The following EFL1 variants were observed in gnomAD, a reference collection of about 807,000 sequenced individuals.
EFL1 encodes the protein elongation factor like GTPase 1.
In EFL1, 76 loss-of-function variants were observed where a neutral mutation model predicts 126.7. The observed-to-expected ratio is 0.60, with a 90% CI of 0.50 to 0.73. EFL1 has a LOEUF of 0.73. Among genes scored for constraint, EFL1 ranks in the 30% least tolerant of loss-of-function variants. EFL1 has a pLI of 0.00. For missense variants in EFL1, 1,128 were observed against 1,343.2 expected, an observed-to-expected ratio of 0.84 and a Z score of 2.50; for synonymous variants, 410 against 448.4, an observed-to-expected ratio of 0.91 and a Z score of 1.08.
intron 16 of EFL1, among the ~76,000 whole-genome samples, chr15:82,162,688 A>G (rs750056046): frequency 6.6e-6 from 1 of 152,230 alleles, no homozygotes; most frequent in Non-Finnish European, 1.5e-5. Context: ...ATGGCTATTT[A>G]CTAGGGCTGG....
At position 82,238,468 on chromosome 15, in the gene EFL1, T is replaced by C. The variant is rs771263792; in HGVS notation, c.570A>G (p.Ala190=). 5.9e-5 allele frequency: 95 copies of C among 1,613,988 alleles called. 1 individual carries two copies. The highest frequency in any genetic ancestry group is 3.8e-5 in the Non-Finnish European group (45 of 1,180,014). The part of the protein sequence containing the change: ...LFTSKVLEER[A]ERETESQVNP... ...TCACTTGGGATTCAGTCTCCCTCTC[T>C]GCTCTTTCTTCTAGGACTTTAGAAG... The change falls in exon 7 of 20, where the codon GCA becomes GCG. Residue 190 remains alanine (A), a synonymous_variant. Coordinates refer to ENST00000268206, the MANE Select transcript of EFL1 (RefSeq NM_024580.6).
intron 7 of EFL1, among the ~76,000 whole-genome samples, chr15:82,236,878 T>C (rs1366709908): frequency 6.6e-6 from 1 of 152,220 alleles, no homozygotes; most frequent in Non-Finnish European, 1.5e-5. Context: ...GAGCAGTGGC[T>C]CATGCCTGTA....
intron 7 of EFL1, among the ~76,000 whole-genome samples, chr15:82,235,052 G>T (rs1179423591): frequency 1.3e-5 from 2 of 152,038 alleles, no homozygotes; most frequent in Non-Finnish European, 2.9e-5. Context: ...AAGAAATAAG[G>T]ATCCTTATAC....
Position 82,241,256 on chromosome 15 carries a change from T to C in EFL1, c.378+14A>G, listed in dbSNP as rs200705379. 1.6e-4 allele frequency: 261 copies of C among 1,613,380 alleles called. No homozygotes were observed. The highest frequency in any genetic ancestry group is 2.1e-4 in the Non-Finnish European group (249 of 1,179,756). On this transcript the variant is annotated intron_variant, in intron 5 of 19. Transcript: ENST00000268206. ...CCTTAACCATTTAAGTATTTTCTCA[T>C]CACAATCCATTACCTGTGGACAGAC... is the stretch of plus-strand genomic sequence containing the variant.
intron 15 of EFL1, among the ~76,000 whole-genome samples, chr15:82,171,252 G>A (rs886745458): frequency 6.6e-5 from 10 of 152,288 alleles, no homozygotes; most frequent in Admixed American, 1.3e-4. Flanking sequence ...TCTGTTAGTC[G>A]TGGATCAGAT....
intron 4 of EFL1, among the ~76,000 whole-genome samples, chr15:82,244,129 C>T (rs1277946271): frequency 6.6e-6 from 1 of 152,076 alleles, no homozygotes; most frequent in African/African-American, 2.4e-5. Context: ...CCTTCAATGC[C>T]TTTTTCATCT....
At chr15:82,140,592 CT>C (rs1450197229) in intron 18 of EFL1, among the ~76,000 whole-genome samples, 1 of 152,158 alleles carries the variant, frequency 6.6e-6, no homozygotes, top group African/African-American at 2.4e-5. Flanking sequence ...TAATTTTATG[CT>C]TGGGACTCCT....
intron 17 of EFL1, among the ~76,000 whole-genome samples, chr15:82,157,202 C>A (rs2073977430): frequency 6.6e-6 from 1 of 152,128 alleles, no homozygotes; most frequent in Admixed American, 6.5e-5. Flanking sequence ...TCTTCTTCTG[C>A]ATTTTCCTAA....
At chr15:82,260,094 T>C (rs2075100440) in intron 2 of EFL1, among the ~76,000 whole-genome samples, 1 of 152,224 alleles carries the variant, frequency 6.6e-6, no homozygotes, top group Admixed American at 6.5e-5. Flanking sequence ...ACGCTTGTCA[T>C]ATAGAAGACC....
chr15:82,246,964 G>T (rs761526700), intron 4 of EFL1, among the ~76,000 whole-genome samples: 1 of 152,156 alleles, frequency 6.6e-6, no homozygotes, highest in African/African-American at 2.4e-5. Context: ...GGATGAAGAC[G>T]TGTAGAGAAT....
chr15:82,219,895 G>A, intron 13 of EFL1, 77 bp from the exon 14 acceptor site: 1 of 1,515,904 alleles, frequency 6.6e-7, no homozygotes, highest in Non-Finnish European at 8.8e-7. Flanking sequence ...AGAAGGAGGA[G>A]TGAATATGAT....
intron 15 of EFL1, among the ~76,000 whole-genome samples, chr15:82,172,308 T>G (rs1312868529): frequency 6.6e-6 from 1 of 152,188 alleles, no homozygotes; most frequent in Non-Finnish European, 1.5e-5. Context: ...AACTCACCAA[T>G]GTGATTTCTA....
intron 16 of EFL1, 56 bp from the exon 17 acceptor site, chr15:82,157,916 A>C: frequency 6.5e-7 from 1 of 1,531,550 alleles, no homozygotes; most frequent in Non-Finnish European, 8.9e-7. Flanking sequence ...CACAATTCAA[A>C]GACAATGGCT....
chr15:82,157,653 A>G, intron 17 of EFL1, 60 bp downstream of exon 17: 1 of 1,552,062 alleles, frequency 6.4e-7, no homozygotes, highest in South Asian at 1.2e-5. Context: ...TTTAGGAAAC[A>G]CTAAAACATC....
intron 18 of EFL1, among the ~76,000 whole-genome samples, chr15:82,144,168 C>CT (rs2073818047): frequency 6.6e-6 from 1 of 151,388 alleles, no homozygotes; most frequent in Non-Finnish European, 1.5e-5. Context: ...GGGAGGAGCG[C>CT]TTTGAGCCTA....
At chr15:82,229,252 A>G (rs1044668867) in intron 8 of EFL1, 142 bp from the exon 9 acceptor site, 15 of 671,658 alleles carry the variant, frequency 2.2e-5, no homozygotes, top group Non-Finnish European at 3.5e-5. Flanking sequence ...GAAAGTAGTT[A>G]TAAGAATGCA....
chr15:82,198,126 C>T (rs547565113), intron 15 of EFL1, among the ~76,000 whole-genome samples: 3 of 152,140 alleles, frequency 2.0e-5, no homozygotes, highest in Non-Finnish European at 4.4e-5. Context: ...CTCATGCATG[C>T]GCTGACATTG....
intron 7 of EFL1, among the ~76,000 whole-genome samples, chr15:82,233,364 G>A (rs906742388): frequency 3.9e-5 from 6 of 152,056 alleles, no homozygotes; most frequent in Middle Eastern, 3.2e-3. Flanking sequence ...GTAACTGCAA[G>A]CAAGATTCTA....
Position 82,217,373 on chromosome 15 carries a change from GAAAAAA to G in EFL1, c.1611+2273_1611+2278del. 1.3e-3 allele frequency among the ~76,000 whole-genome samples: 35 copies of G among 27,150 alleles called. No individual in the cohort carries two copies. The South Asian group carries it at 0.015, about 12-fold the overall frequency. The allele number at this position is 27,150 out of a possible 152,430, so 17.8% of individuals were successfully genotyped here. On this transcript the variant is annotated intron_variant, in intron 14 of 19. Coordinates refer to ENST00000268206, the MANE Select transcript of EFL1 (RefSeq NM_024580.6). The stretch of plus-strand genomic sequence containing the variant: ...AATCAAGGTAGCATTGATTAGATTT[GAAAAAA>G]AAAAAAAAAAAAAAAACGAAAACAG...
Sources: gnomAD v4.1 joint callset for allele counts (sites outside exome capture counted in the v4.1 genomes callset) on GRCh38, gnomAD v4.1.1 for gene constraint, MANE v1.5 for transcripts, NCBI Gene and HGNC (gene_info 2026-07-23, HGNC 2026-07-21) for gene names.